Variants in GKAP1 observed in about 807,000 individuals in gnomAD.
The protein encoded by GKAP1 is G kinase-anchoring protein 1.
In GKAP1, 31 loss-of-function variants were observed where a neutral mutation model predicts 56.7. That is an observed-to-expected ratio of 0.55 (90% confidence interval 0.41 to 0.74). GKAP1 has a LOEUF of 0.74. GKAP1 is among the 30% of genes least tolerant of loss of function. GKAP1 has a pLI of 0.00. For missense variants in GKAP1, 364 were observed against 402.3 expected (o/e 0.90, Z 0.82); for synonymous variants, 151 against 138.6 (o/e 1.09, Z -0.63).
chr9:83,797,617 C>T (rs1944268448), intron 4 of GKAP1, among the ~76,000 whole-genome samples: 1 of 152,156 alleles, frequency 6.6e-6, no homozygotes, highest in Non-Finnish European at 1.5e-5. Context: ...AGCAGAAATT[C>T]GTCAAAGTTC....
At chr9:83,803,312 G>A (rs1944364748) in intron 3 of GKAP1, among the ~76,000 whole-genome samples, 1 of 148,522 alleles carries the variant, frequency 6.7e-6, no homozygotes, top group Non-Finnish European at 1.5e-5. Flanking sequence ...AGCCGAAGCT[G>A]GACTGTACTG....
intron 7 of GKAP1, among the ~76,000 whole-genome samples, chr9:83,775,421 T>C (rs1043221617): frequency 6.6e-6 from 1 of 152,060 alleles, no homozygotes; most frequent in African/African-American, 2.4e-5. Context: ...TTTAACATCA[T>C]AAAAATAACC....
chr9:83,777,952 C>T (rs1225611775), intron 7 of GKAP1, among the ~76,000 whole-genome samples: 1 of 151,828 alleles, frequency 6.6e-6, no homozygotes, highest in East Asian at 1.9e-4. Flanking sequence ...GAAAGAAATG[C>T]CTCTAATGGA....
intron 8 of GKAP1, among the ~76,000 whole-genome samples, chr9:83,757,114 G>T (rs1048988226): frequency 1.3e-5 from 2 of 152,142 alleles, no homozygotes; most frequent in South Asian, 2.1e-4. Flanking sequence ...ATGGGGTATA[G>T]AAAAAGGAAA....
chr9:83,815,407 C>T (rs1298844807), intron 2 of GKAP1, among the ~76,000 whole-genome samples: 3 of 151,410 alleles, frequency 2.0e-5, no homozygotes, highest in Non-Finnish European at 4.4e-5. Flanking sequence ...CCACCAAGCC[C>T]GACCCAAGCA....
intron 2 of GKAP1, among the ~76,000 whole-genome samples, chr9:83,812,232 T>A (rs968251913): frequency 6.7e-5 from 10 of 148,954 alleles, no homozygotes; most frequent in Non-Finnish European, 1.3e-4. Flanking sequence ...CACACACATG[T>A]ATACATATAT....
rs150882772 is a variant in GKAP1, at chr9:83,812,230, T to G, written c.-44+4766A>C. 4.8e-5 allele frequency among the ~76,000 whole-genome samples: 7 copies of G among 146,690 alleles called. No individual in the cohort carries two copies. The South Asian group carries it at 1.5e-3, about 31-fold the overall frequency. ...ACACATACATACATACACACACACA[T>G]GTATACATATATACGTATATATGTA... On this transcript the variant is annotated intron_variant, in intron 2 of 12. Coordinates refer to ENST00000376371, the MANE Select transcript of GKAP1 (RefSeq NM_025211.4).
intron 2 of GKAP1, among the ~76,000 whole-genome samples, chr9:83,814,282 T>C (rs1020876341): frequency 2.0e-5 from 3 of 152,212 alleles, no homozygotes; most frequent in Admixed American, 2.0e-4. Context: ...AAAAAACAAC[T>C]TGAAATTTCT....
intron 10 of GKAP1, among the ~76,000 whole-genome samples, chr9:83,745,350 G>A (rs888205525): frequency 3.9e-5 from 6 of 151,950 alleles, no homozygotes; most frequent in Non-Finnish European, 7.4e-5. Flanking sequence ...TGATTTTGCA[G>A]AGACTAGTGA....
rs1944442591 is a variant in GKAP1 at position 83,806,530 on chromosome 9, T to C, written c.-13A>G. 1 of 1,607,198 alleles carries C rather than the reference T, an allele frequency of 6.2e-7. No homozygotes were observed. Among genetic ancestry groups the C allele is most frequent in the Non-Finnish European group, 8.5e-7 (1 of 1,176,360 alleles). On this transcript the variant is annotated 5_prime_UTR_variant, in exon 3 of 13. Transcript: ENST00000376371. The stretch of plus-strand genomic sequence containing the variant: ...CTGCTGAGGCCATCGTAAAGATTTT[T>C]CTTTTAAAATACTTCTGTCAAGAAT...
chr9:83,741,238 A>G (rs2131220690), intron 12 of GKAP1, among the ~76,000 whole-genome samples: 1 of 152,234 alleles, frequency 6.6e-6, no homozygotes, highest in South Asian at 2.1e-4. Context: ...GCCACGGCTA[A>G]TCAACTGCTA....
At chr9:83,777,944 A>G (rs1291023140) in intron 7 of GKAP1, among the ~76,000 whole-genome samples, 1 of 152,208 alleles carries the variant, frequency 6.6e-6, no homozygotes, top group Non-Finnish European at 1.5e-5. Flanking sequence ...AAGTCCCAGA[A>G]AGAAATGCCT....
At chr9:83,770,562 C>CTT (rs939604726) in intron 7 of GKAP1, among the ~76,000 whole-genome samples, 1 of 145,584 alleles carries the variant, frequency 6.9e-6, no homozygotes, top group East Asian at 2.0e-4. Flanking sequence ...GTTTACACTG[C>CTT]TTTTTTTTTT....
In GKAP1 at chr9:83,774,773, G is replaced by C. The variant is rs149310512; in HGVS notation, c.585+5609C>G. Among the ~76,000 whole-genome samples the C allele has an allele frequency of 8.6e-4, 117 of 136,594 alleles. 1 individual carries two copies. Among genetic ancestry groups the C allele is most frequent in the Admixed American group, 2.1e-3 (26 of 12,424 alleles). The allele number at this position is 136,594 out of a possible 152,430, so 89.6% of individuals were successfully genotyped here. A position where few individuals can be genotyped will look rare whatever the true frequency, so the allele number is the denominator to read the frequency against. Reference sequence around the variant, plus strand: ...TTGCCAGGTTGGAGTGCAGCAGTGCGATCTCGACTCACTGCAACCTCCACC... The same window carrying C: ...TTGCCAGGTTGGAGTGCAGCAGTGCCATCTCGACTCACTGCAACCTCCACC... On this transcript the variant is annotated intron_variant, in intron 7 of 12. Transcript: ENST00000376371.
rs1488046503 is a variant in GKAP1 at position 83,806,350 on chromosome 9, T to C, written c.168A>G (p.Arg56=). 1 of 1,557,786 alleles carries C rather than the reference T, an allele frequency of 6.4e-7. No individual in the cohort carries two copies. Among genetic ancestry groups the C allele is most frequent in the Non-Finnish European group, 8.7e-7 (1 of 1,150,172 alleles). The change falls in exon 3 of 13, where the codon AGA becomes AGG. Residue 56 remains arginine (R), a synonymous_variant. Coordinates refer to ENST00000376371, the MANE Select transcript of GKAP1 (RefSeq NM_025211.4). Reference sequence around the variant, plus strand: ...GTTCCTTCTTTTTTCTTCTTTTCTCTCTTTTTTTCTCATTTGTAGTTGACT... The same window carrying C: ...GTTCCTTCTTTTTTCTTCTTTTCTCCCTTTTTTTCTCATTTGTAGTTGACT... ...GSKSTTNEKK[R]EKRRKKKEQQ... is the part of the protein sequence containing the mutation.
At chr9:83,745,627 ATGATAC>A (rs1234849338) in intron 10 of GKAP1, among the ~76,000 whole-genome samples, 2 of 152,186 alleles carry the variant, frequency 1.3e-5, no homozygotes, top group Non-Finnish European at 2.9e-5. Flanking sequence ...CCAATACGCA[ATGATAC>A]TCTTCATTTC....
intron 4 of GKAP1, among the ~76,000 whole-genome samples, chr9:83,793,607 A>G (rs1177061891): frequency 6.6e-6 from 1 of 152,214 alleles, no homozygotes; most frequent in Non-Finnish European, 1.5e-5. Flanking sequence ...TCCAAGCAAT[A>G]AAAATGGTTC....
chr9:83,808,679 T>C (rs997136610), intron 2 of GKAP1, among the ~76,000 whole-genome samples: 5 of 152,220 alleles, frequency 3.3e-5, no homozygotes, highest in Admixed American at 1.3e-4. Flanking sequence ...TCAACTATCA[T>C]TAATATTCAA....
At chr9:83,746,060 G>A (rs1943288240) in intron 10 of GKAP1, among the ~76,000 whole-genome samples, 1 of 151,922 alleles carries the variant, frequency 6.6e-6, no homozygotes. Flanking sequence ...CAAAGTGCTG[G>A]GATTATAGGC....
Sources: allele counts gnomAD v4.1 joint callset (sites outside exome capture counted in the v4.1 genomes callset), GRCh38; gene constraint gnomAD v4.1.1; transcripts MANE v1.5; gene names NCBI Gene and HGNC (gene_info 2026-07-23, HGNC 2026-07-21).